VEGFC: variants seen among roughly 807,000 people sequenced by gnomAD.
VEGFC encodes FLT4 ligand DHM.
VEGFC carries 12 observed loss-of-function variants against 46.1 expected under a neutral mutation model. That is an observed-to-expected ratio of 0.26 (90% confidence interval 0.17 to 0.42). VEGFC has a LOEUF of 0.42. VEGFC is among the 10% of genes least tolerant of loss of function. The pLI is 1.00. For synonymous variants in VEGFC, 232 were observed against 195.5 expected (o/e 1.19, Z -1.56); for missense variants, 488 against 529.4 (o/e 0.92, Z 0.77).
At chr4:176,741,179 C>T (rs945762365) in intron 1 of VEGFC, among the ~76,000 whole-genome samples, 3 of 151,866 alleles carry the variant, frequency 2.0e-5, no homozygotes, top group Non-Finnish European at 4.4e-5. Flanking sequence ...TTATACAACA[C>T]AGGGAAGATT....
intron 1 of VEGFC, among the ~76,000 whole-genome samples, chr4:176,759,672 T>A (rs748367090): frequency 5.9e-5 from 9 of 152,140 alleles, no homozygotes; most frequent in Non-Finnish European, 1.2e-4. Flanking sequence ...CACAATGTAC[T>A]TCAATCAAAA....
intron 1 of VEGFC, among the ~76,000 whole-genome samples, chr4:176,742,803 A>T (rs1735197903): frequency 6.6e-6 from 1 of 152,016 alleles, no homozygotes; most frequent in Non-Finnish European, 1.5e-5. Context: ...AAATTCCCCC[A>T]TGATTGTTGG....
At chr4:176,727,735 A>G in intron 3 of VEGFC, 43 bp downstream of exon 3, 1 of 1,576,256 alleles carries the variant, frequency 6.3e-7, no homozygotes, top group South Asian at 1.2e-5. Context: ...AAAGCTTCTG[A>G]TTAAGGGGGC....
intron 1 of VEGFC, among the ~76,000 whole-genome samples, chr4:176,782,480 A>G (rs1161445651): frequency 6.6e-6 from 1 of 151,360 alleles, no homozygotes; most frequent in African/African-American, 2.4e-5. Flanking sequence ...AAAAAAAAAA[A>G]ATTTTTAAAT....
At chr4:176,781,563 A>G (rs1406070091) in intron 1 of VEGFC, among the ~76,000 whole-genome samples, 1 of 152,196 alleles carries the variant, frequency 6.6e-6, no homozygotes, top group Non-Finnish European at 1.5e-5. Flanking sequence ...AGTGGAAATA[A>G]CAATCCCTTT....
rs1735176300 is a variant in VEGFC, at chr4:176,741,620, T to G, written c.148-11874A>C. 2.6e-5 allele frequency among the ~76,000 whole-genome samples: 4 copies of G among 152,116 alleles called. No individual in the cohort carries two copies. The South Asian group carries it at 8.3e-4, about 31-fold the overall frequency. On this transcript the variant is annotated intron_variant, in intron 1 of 6. Coordinates refer to ENST00000618562, the MANE Select transcript of VEGFC (RefSeq NM_005429.5). ...CTATGGATAATAAAAAAAGATAAAA[T>G]GTAACCTTCACTTGAAAAACCATTA... is the stretch of plus-strand genomic sequence containing the variant.
At chr4:176,703,749 C>G (rs964477193) in intron 4 of VEGFC, among the ~76,000 whole-genome samples, 3 of 151,990 alleles carry the variant, frequency 2.0e-5, no homozygotes, top group African/African-American at 7.2e-5. Flanking sequence ...TAAATATGTA[C>G]AATTATGTAT....
chr4:176,729,376 T>C (rs999306985), intron 2 of VEGFC, among the ~76,000 whole-genome samples, 157 bp downstream of exon 2: 1 of 152,220 alleles, frequency 6.6e-6, no homozygotes, highest in African/African-American at 2.4e-5. Flanking sequence ...AGTGAAATCA[T>C]AAAATGTTGT....
rs377096543 is a variant in VEGFC, at chr4:176,711,574, C to T, written c.629G>A (p.Arg210Gln). ...GTAAACATCCAGTTTAGACATGCAT[C>T]GGCAGGAAGTGTGATTGGCAAAACT... Reference protein sequence around the residue: ...TISFANHTSCRCMSKLDVYRQ... With the variant: ...TISFANHTSCQCMSKLDVYRQ... The change falls in exon 4 of 7, where the codon CGA (arginine) becomes CAA (glutamine). Residue 210 changes from arginine (R) to glutamine (Q), a missense_variant. By Grantham distance (43) the Arg-to-Gln change is conservative (BLOSUM62 1). Coordinates refer to ENST00000618562, the MANE Select transcript of VEGFC (RefSeq NM_005429.5). The T allele has an allele frequency of 1.4e-5, 22 of 1,613,686 alleles. No individual in the cohort carries two copies. The highest frequency in any genetic ancestry group is 1.8e-5 in the Non-Finnish European group (21 of 1,179,764).
In VEGFC at chr4:176,792,889, G is replaced by A. The variant is rs1177904132; in HGVS notation, c.-578C>T. ...TCCAGAGCGCGCCGGGCTGAGCGGCGGCGGCGGCGGCGGCGGGCGCAGGGG... is the reference window on the plus strand; with the variant it reads ...TCCAGAGCGCGCCGGGCTGAGCGGCAGCGGCGGCGGCGGCGGGCGCAGGGG... On this transcript the variant is annotated 5_prime_UTR_variant, in exon 1 of 7. Transcript: ENST00000618562. This position sits in a 1 kb window ranked among gnomAD's most constrained non-coding sequence, Gnocchi z 6.3. 2.0e-5 allele frequency among the ~76,000 whole-genome samples: 3 copies of A among 148,958 alleles called. No homozygotes were observed. Among genetic ancestry groups the A allele is most frequent in the Non-Finnish European group, 4.5e-5 (3 of 66,818 alleles).
intron 6 of VEGFC, among the ~76,000 whole-genome samples, chr4:176,685,721 T>C (rs1207673874): frequency 6.6e-6 from 1 of 152,016 alleles, no homozygotes; most frequent in East Asian, 1.9e-4. Flanking sequence ...ATTTTTGAAA[T>C]GTCCTCTTGG....
At chr4:176,689,085 A>G (rs1219244649) in intron 4 of VEGFC, among the ~76,000 whole-genome samples, 1 of 152,028 alleles carries the variant, frequency 6.6e-6, no homozygotes, top group Non-Finnish European at 1.5e-5. Context: ...TCACTACCTC[A>G]TTTTTTCATC....
intron 1 of VEGFC, among the ~76,000 whole-genome samples, chr4:176,765,393 C>G (rs1735602603): frequency 6.6e-6 from 1 of 151,790 alleles, no homozygotes; most frequent in Non-Finnish European, 1.5e-5. Context: ...AAGAAAAAGG[C>G]ATATTTAAAG....
chr4:176,691,225 C>T (rs984257456), intron 4 of VEGFC, among the ~76,000 whole-genome samples: 2 of 152,126 alleles, frequency 1.3e-5, no homozygotes, highest in Non-Finnish European at 2.9e-5. Flanking sequence ...ATCTCCTTTA[C>T]GTTTTAATCT....
At chr4:176,707,966 T>C (rs1734565044) in intron 4 of VEGFC, among the ~76,000 whole-genome samples, 1 of 151,770 alleles carries the variant, frequency 6.6e-6, no homozygotes, top group Admixed American at 6.6e-5. Flanking sequence ...ATAATTTATA[T>C]TTTATTATTA....
chr4:176,787,858 C>A (rs985943463), intron 1 of VEGFC, among the ~76,000 whole-genome samples: 7 of 152,122 alleles, frequency 4.6e-5, no homozygotes, highest in Non-Finnish European at 1.0e-4. Flanking sequence ...GTTTAAAGTT[C>A]TCTGCTATAT....
At chr4:176,789,299 T>A (rs2110959018) in intron 1 of VEGFC, among the ~76,000 whole-genome samples, 1 of 152,354 alleles carries the variant, frequency 6.6e-6, no homozygotes, top group South Asian at 2.1e-4. Context: ...GATCTACGGG[T>A]CTTAGACATA....
chr4:176,725,174 CAT>C (rs1269127916), intron 3 of VEGFC, among the ~76,000 whole-genome samples: 36 of 152,276 alleles, frequency 2.4e-4, no homozygotes, highest in African/African-American at 8.2e-4. Flanking sequence ...ACATATAACA[CAT>C]GACCCCAAAA....
chr4:176,705,018 T>C (rs1033967983), intron 4 of VEGFC, among the ~76,000 whole-genome samples: 19 of 152,304 alleles, frequency 1.2e-4, no homozygotes, highest in African/African-American at 4.3e-4. Context: ...ATGCTATTTG[T>C]TGAATGAGTG....
Sources: gnomAD v4.1 joint callset for allele counts (sites outside exome capture counted in the v4.1 genomes callset) on GRCh38, gnomAD v4.1.1 for gene constraint, Gnocchi (gnomAD v3.1) non-coding constraint, MANE v1.5 for transcripts, NCBI Gene and HGNC (gene_info 2026-07-23, HGNC 2026-07-21) for gene names.